The following ARL15 variants were observed in gnomAD, a reference collection of about 807,000 sequenced individuals.
ARL15 encodes the protein ARF like GTPase 15, also known as ADP-ribosylation factor-like protein 15.
Under a neutral mutation model 25.2 loss-of-function variants are expected in ARL15, and 19 were observed. That is an observed-to-expected ratio of 0.75 (90% CI 0.53 to 1.10). The LOEUF is 1.10. ARL15 is among the 50% of genes least tolerant of loss of function. The pLI, the probability that ARL15 is intolerant of heterozygous loss-of-function variation, is 0.00. For synonymous variants in ARL15, 94 were observed against 86.8 expected (o/e 1.08, Z -0.46); for missense variants, 220 against 246.0 (o/e 0.89, Z 0.71).
chr5:54,156,452 G>A (rs370887286), intron 2 of ARL15, among the ~76,000 whole-genome samples: 1 of 152,120 alleles, frequency 6.6e-6, no homozygotes, highest in African/African-American at 2.4e-5. Context: ...TATAATATAC[G>A]ATTGCTGGCA....
chr5:54,265,246 T>A (rs560774504), intron 1 of ARL15, among the ~76,000 whole-genome samples: 2 of 152,248 alleles, frequency 1.3e-5, no homozygotes. Context: ...ACAATTGTTA[T>A]ATTTTACAAA....
At chr5:53,907,922 C>T (rs762950671) in intron 4 of ARL15, among the ~76,000 whole-genome samples, 48 of 152,152 alleles carry the variant, frequency 3.2e-4, no homozygotes, top group Middle Eastern at 3.4e-3. Flanking sequence ...GATACGATTG[C>T]TATTTAAGAT....
At chr5:53,973,303 G>A (rs145764892) in intron 4 of ARL15, among the ~76,000 whole-genome samples, 2 of 152,274 alleles carry the variant, frequency 1.3e-5, no homozygotes, top group African/African-American at 4.8e-5. Context: ...GCCGGGCATG[G>A]TGGCTCACGC....
chr5:54,306,035 T>C (rs1318555700), intron 1 of ARL15, among the ~76,000 whole-genome samples: 6 of 152,298 alleles, frequency 3.9e-5, no homozygotes, highest in African/African-American at 1.4e-4. Context: ...CCCTCCCCTA[T>C]GTGCCTTACT....
chr5:53,899,347 CAAA>C (rs59145507), intron 4 of ARL15, among the ~76,000 whole-genome samples: 2 of 89,372 alleles, frequency 2.2e-5, no homozygotes, highest in African/African-American at 1.1e-4. Flanking sequence ...GACTCTATCC[CAAA>C]AAAAAAAAAA....
intron 1 of ARL15, among the ~76,000 whole-genome samples, chr5:54,249,583 C>T (rs1429180351): frequency 6.9e-6 from 1 of 145,766 alleles, no homozygotes; most frequent in African/African-American, 2.6e-5. Context: ...AGTAAAAGTG[C>T]AAGAATTCCC....
intron 3 of ARL15, among the ~76,000 whole-genome samples, chr5:54,126,702 T>C (rs1278996121): frequency 6.6e-6 from 1 of 152,212 alleles, no homozygotes; most frequent in Admixed American, 6.5e-5. Flanking sequence ...GTTCAATCTC[T>C]TACTCTTCTG....
intron 4 of ARL15, among the ~76,000 whole-genome samples, chr5:54,044,124 A>T (rs902432219): frequency 1.3e-5 from 2 of 152,208 alleles, no homozygotes. Context: ...TATTAAGCAC[A>T]TTAGATGTGC....
chr5:54,048,979 T>A (rs1326718011), intron 4 of ARL15, among the ~76,000 whole-genome samples: 1 of 152,062 alleles, frequency 6.6e-6, no homozygotes, highest in African/African-American at 2.4e-5. Flanking sequence ...GAACCCATCC[T>A]GTGGTTATTT....
Position 53,999,497 on chromosome 5 carries a change from C to T in ARL15, c.463-112784G>A, listed in dbSNP as rs897862656. Among the ~76,000 whole-genome samples the T allele has an allele frequency of 2.6e-4, 40 of 151,760 alleles. 1 individual carries two copies. The highest frequency in any genetic ancestry group is 9.2e-4 in the African/African-American group (38 of 41,314). On this transcript the variant is annotated intron_variant, in intron 4 of 4. Transcript: ENST00000504924. ...CCCAGCCACTTGGGAGGCTGAGGCA[C>T]GGAGAATCACTTGAACCCGGGAGGT...
intron 4 of ARL15, among the ~76,000 whole-genome samples, chr5:54,031,058 G>A (rs780054826): frequency 6.6e-6 from 1 of 152,164 alleles, no homozygotes; most frequent in Admixed American, 6.5e-5. Flanking sequence ...GATGGTACAT[G>A]TGTACAGGTT....
chr5:54,007,782 G>A (rs866956474), intron 4 of ARL15, among the ~76,000 whole-genome samples: 5 of 152,282 alleles, frequency 3.3e-5, no homozygotes, highest in Middle Eastern at 3.4e-3. Context: ...ATGCACACTT[G>A]AGCCAAAAGA....
At chr5:54,272,228 C>T (rs1215971082) in intron 1 of ARL15, among the ~76,000 whole-genome samples, 1 of 142,022 alleles carries the variant, frequency 7.0e-6, no homozygotes, top group African/African-American at 2.6e-5. Flanking sequence ...TCTGAGATTA[C>T]AAGCAGGAGC....
chr5:53,902,846 A>T (rs1478835904), intron 4 of ARL15, among the ~76,000 whole-genome samples: 1 of 152,182 alleles, frequency 6.6e-6, no homozygotes, highest in Non-Finnish European at 1.5e-5. Flanking sequence ...AAAACAGGAA[A>T]GCATGGAGAA....
chr5:54,246,617 T>C (rs947799565), intron 1 of ARL15, among the ~76,000 whole-genome samples: 1 of 152,094 alleles, frequency 6.6e-6, no homozygotes, highest in Non-Finnish European at 1.5e-5. Flanking sequence ...TCAACACACA[T>C]GATACACAGA....
chr5:53,959,077 A>G (rs1038720938), intron 4 of ARL15, among the ~76,000 whole-genome samples: 1 of 152,180 alleles, frequency 6.6e-6, no homozygotes, highest in African/African-American at 2.4e-5. Flanking sequence ...AGACATACAT[A>G]GAACACTCCA....
At chr5:54,246,797 TACACACACACACAC>T (rs61025147) in intron 1 of ARL15, among the ~76,000 whole-genome samples, 6,562 of 139,022 alleles carry the variant, frequency 0.047, 174 homozygotes, top group Non-Finnish European at 0.055. Flanking sequence ...AAAGCATGCA[TACACACACACACAC>T]ACACACACAC....
chr5:54,246,001 C>T (rs1442453736), intron 1 of ARL15, among the ~76,000 whole-genome samples: 1 of 152,080 alleles, frequency 6.6e-6, no homozygotes, highest in African/African-American at 2.4e-5. Flanking sequence ...AACACTGCAC[C>T]CTTTTGTCAG....
chr5:54,308,216 T>A (rs1361767748), intron 1 of ARL15, among the ~76,000 whole-genome samples: 1 of 152,194 alleles, frequency 6.6e-6, no homozygotes, highest in Non-Finnish European at 1.5e-5. Context: ...TCTGTTTGTT[T>A]CCATCCAGTT....
Sources: allele counts gnomAD v4.1 joint callset (sites outside exome capture counted in the v4.1 genomes callset), GRCh38; gene constraint gnomAD v4.1.1; transcripts MANE v1.5; gene names NCBI Gene and HGNC (gene_info 2026-07-23, HGNC 2026-07-21).